Variants in CAST observed in about 807,000 individuals in gnomAD.
The protein encoded by CAST is calpastatin, also known as MIR583 host.
Under a neutral mutation model 119.6 loss-of-function variants are expected in CAST, and 76 were observed. That is an observed-to-expected ratio of 0.64 (90% CI 0.53 to 0.77). CAST has a LOEUF of 0.77. Ranked by LOEUF, CAST falls within the 30% of genes least tolerant of loss-of-function variation. The pLI is 0.00. For missense variants in CAST, 953 were observed against 946.5 expected, an observed-to-expected ratio of 1.01 and a Z score of -0.09; for synonymous variants, 319 against 331.6, an observed-to-expected ratio of 0.96 and a Z score of 0.41.
At chr5:96,553,113 G>A (rs545610070) in intron 1 of CAST, among the ~76,000 whole-genome samples, 1 of 152,194 alleles carries the variant, frequency 6.6e-6, no homozygotes, top group East Asian at 1.9e-4. Flanking sequence ...ACAAAAAAAA[G>A]AGAATTTTAG....
chr5:96,321,990 A>G, the CAST span, among the ~76,000 whole-genome samples: 2 of 152,232 alleles, frequency 1.3e-5, no homozygotes, highest in Admixed American at 6.5e-5. Context: ...GTCTTAGGTT[A>G]AATACTTGGG....
At chr5:96,577,624 A>T (rs920397856) in intron 1 of CAST, among the ~76,000 whole-genome samples, 9 of 150,560 alleles carry the variant, frequency 6.0e-5, no homozygotes, top group Non-Finnish European at 1.2e-4. Flanking sequence ...TTCCTTTGAG[A>T]CTCCCTGTTT....
the CAST span, among the ~76,000 whole-genome samples, chr5:96,504,056 A>G: frequency 2.9e-4 from 44 of 152,048 alleles, no homozygotes; most frequent in African/African-American, 1.0e-3. Flanking sequence ...TTGAAATGCC[A>G]CCTTGACCAT....
chr5:96,410,026 A>G, the CAST span, among the ~76,000 whole-genome samples: 2 of 152,208 alleles, frequency 1.3e-5, no homozygotes, highest in African/African-American at 4.8e-5. Context: ...TAGGATCTAT[A>G]TACTTTAGCT....
At chr5:96,561,162 T>G (rs1356378988) in intron 1 of CAST, among the ~76,000 whole-genome samples, 2 of 119,544 alleles carry the variant, frequency 1.7e-5, no homozygotes, top group African/African-American at 3.3e-5. Context: ...TGAGAACACA[T>G]GGACACAGGA....
intron 20 of CAST, 122 bp from the exon 21 acceptor site, chr5:96,753,938 G>T: frequency 1.6e-6 from 1 of 635,330 alleles, no homozygotes; most frequent in South Asian, 2.1e-5. Context: ...GATAACTCGA[G>T]TTATTAAAAG....
intron 1 of CAST, among the ~76,000 whole-genome samples, chr5:96,562,252 C>G (rs1409939637): frequency 6.6e-6 from 1 of 151,766 alleles, no homozygotes; most frequent in African/African-American, 2.4e-5. Context: ...GAAATGACAA[C>G]TGAGAAAAAT....
the CAST span, among the ~76,000 whole-genome samples, chr5:96,454,376 A>G: frequency 6.6e-6 from 1 of 152,164 alleles, no homozygotes; most frequent in Non-Finnish European, 1.5e-5. Flanking sequence ...TCCCCTTTAA[A>G]ATGCTACACT....
At chr5:96,442,297 G>A in the CAST span, among the ~76,000 whole-genome samples, 23 of 152,310 alleles carry the variant, frequency 1.5e-4, no homozygotes, top group South Asian at 3.9e-3. Context: ...TATGAGATTT[G>A]AATGGACTAA....
At chr5:96,357,725 TGG>T in the CAST span, among the ~76,000 whole-genome samples, 350 of 152,320 alleles carry the variant, frequency 2.3e-3, no homozygotes, top group Non-Finnish European at 4.4e-3. Context: ...CTGCTAGATT[TGG>T]TTTGCCAGTA....
At chr5:96,084,376 G>T in the CAST span, among the ~76,000 whole-genome samples, 1 of 152,154 alleles carries the variant, frequency 6.6e-6, no homozygotes, top group East Asian at 1.9e-4. Flanking sequence ...TATTCAAAGA[G>T]GGATTGGGAT....
At chr5:96,202,409 A>G in the CAST span, among the ~76,000 whole-genome samples, 3 of 152,116 alleles carry the variant, frequency 2.0e-5, no homozygotes, top group African/African-American at 7.2e-5. Flanking sequence ...AACATTATAT[A>G]AAATATGACA....
the CAST span, among the ~76,000 whole-genome samples, chr5:96,150,906 C>A: frequency 2.0e-5 from 3 of 152,192 alleles, no homozygotes; most frequent in Non-Finnish European, 4.4e-5. Context: ...TGACATCTGA[C>A]AAGACAGACC....
the CAST span, among the ~76,000 whole-genome samples, chr5:96,089,761 T>G: frequency 6.6e-6 from 1 of 152,254 alleles, no homozygotes; most frequent in Non-Finnish European, 1.5e-5. Flanking sequence ...GGAGACTTAC[T>G]TTTCACTGTA....
At chr5:96,389,845 A>C in the CAST span, among the ~76,000 whole-genome samples, 1 of 152,042 alleles carries the variant, frequency 6.6e-6, no homozygotes, top group Non-Finnish European at 1.5e-5. Context: ...TGAGGTGGGA[A>C]GATCGTTTGA....
intron 1 of CAST, among the ~76,000 whole-genome samples, chr5:96,639,072 C>T (rs1411948164): frequency 2.0e-5 from 3 of 152,180 alleles, no homozygotes; most frequent in Non-Finnish European, 1.5e-5. Flanking sequence ...TGTTCCTTGT[C>T]CTACATCATT....
chr5:96,468,740 C>A, the CAST span, among the ~76,000 whole-genome samples: 2 of 152,028 alleles, frequency 1.3e-5, no homozygotes, highest in African/African-American at 4.8e-5. Flanking sequence ...GTAAGAGGAG[C>A]AGTTGTGTTT....
chr5:96,205,823 G>A, the CAST span, among the ~76,000 whole-genome samples: 2 of 151,874 alleles, frequency 1.3e-5, no homozygotes, highest in Non-Finnish European at 1.5e-5. Flanking sequence ...ATTCCTTTGG[G>A]TATATACCCA....
At chr5:96,315,331 G>A in the CAST span, among the ~76,000 whole-genome samples, 7 of 152,132 alleles carry the variant, frequency 4.6e-5, no homozygotes, top group Admixed American at 6.5e-5. Context: ...TATGACAACC[G>A]TAGCCAAAGG....
Sources: gnomAD v4.1 joint callset for allele counts (sites outside exome capture counted in the v4.1 genomes callset) on GRCh38, gnomAD v4.1.1 for gene constraint, MANE v1.5 for transcripts, NCBI Gene and HGNC (gene_info 2026-07-23, HGNC 2026-07-21) for gene names.